The following TTC6 variants were observed in gnomAD, a reference collection of about 807,000 sequenced individuals.
TTC6 encodes the protein tetratricopeptide repeat domain 6.
A neutral mutation model predicts 210.4 loss-of-function variants in TTC6; 172 were observed. The observed-to-expected ratio is 0.82, with a 90% CI of 0.72 to 0.93. The LOEUF (loss-of-function observed/expected upper bound fraction) is 0.93, where lower values mean the gene tolerates loss of function less well. TTC6 is among the 40% of genes least tolerant of loss of function. TTC6 has a pLI of 0.00. For missense variants in TTC6, 2,414 were observed against 2,318.1 expected (o/e 1.04, Z -0.85); for synonymous variants, 804 against 819.6 (o/e 0.98, Z 0.32).
upstream of TTC6, among the ~76,000 whole-genome samples, chr14:37,618,781 T>C (rs1426411397): frequency 6.6e-6 from 1 of 152,324 alleles, no homozygotes; most frequent in South Asian, 2.1e-4. Context: ...GCAACTTTCC[T>C]GTTAAGAACT....
At chr14:37,728,380 G>T (rs1252867642) in intron 7 of TTC6, among the ~76,000 whole-genome samples, 3 of 150,046 alleles carry the variant, frequency 2.0e-5, no homozygotes, top group Non-Finnish European at 4.4e-5. Context: ...AGGAGTTGGA[G>T]ACCAACCTGG....
intron 2 of TTC6, among the ~76,000 whole-genome samples, chr14:37,615,264 C>T (rs894494034): frequency 2.0e-5 from 3 of 152,150 alleles, no homozygotes; most frequent in African/African-American, 7.2e-5. Context: ...GATTGAGATT[C>T]ACTGAGCTTC....
intron 1 of TTC6, among the ~76,000 whole-genome samples, chr14:37,653,929 C>A (rs970147814): frequency 3.9e-5 from 6 of 152,090 alleles, no homozygotes; most frequent in Non-Finnish European, 7.3e-5. Context: ...TTGTTTAATA[C>A]ATTTTGAGGT....
intron 14 of TTC6, among the ~76,000 whole-genome samples, chr14:37,773,756 A>G (rs1161306150): frequency 6.6e-6 from 1 of 152,084 alleles, no homozygotes; most frequent in African/African-American, 2.4e-5. Flanking sequence ...TTTTGGTTCC[A>G]TGTGAATTTT....
chr14:37,817,543 T>A (rs1466744816), intron 25 of TTC6, 35 bp from the exon 28 acceptor site: 1 of 1,601,834 alleles, frequency 6.2e-7, no homozygotes, highest in Admixed American at 1.7e-5. Context: ...AAAATAATGT[T>A]GCAAAATTAA....
rs76111292 is a variant in TTC6, at chr14:37,673,387, C to A, written c.940-6764C>A. Among the ~76,000 whole-genome samples the A allele has an allele frequency of 1.6e-3, 236 of 152,234 alleles. 5 individuals carry two copies. The East Asian group carries it at 0.043, about 28-fold the overall frequency. On this transcript the variant is annotated intron_variant, in intron 1 of 30. Coordinates refer to ENST00000553443, the Ensembl canonical transcript of TTC6. Reference sequence around the variant, plus strand: ...TGCCTTTTCTTTCCTTCTTTCTAAACCTTGAACTTTACAGTAAGTTATCTA... The same window carrying A: ...TGCCTTTTCTTTCCTTCTTTCTAAAACTTGAACTTTACAGTAAGTTATCTA...
rs756382437 is a variant in TTC6, at chr14:37,842,322, A to G, written c.*31A>G. ...TAGACTGTGGTTGCTATAGTAGTTT[A>G]CACAGCTGTTCTCTCTGAAACGGAA... is the stretch of plus-strand genomic sequence containing the variant. On this transcript the variant is annotated 3_prime_UTR_variant, in exon 31 of 31. Coordinates refer to ENST00000553443, the Ensembl canonical transcript of TTC6. 28 of 1,525,878 alleles carry G rather than the reference A, an allele frequency of 1.8e-5. 2 individuals carry two copies. In the South Asian group the frequency reaches 3.7e-4, roughly 20 times the overall value. 94.5% of individuals were successfully genotyped at this position (1,525,878 alleles called of 1,614,324 possible).
At chr14:37,724,513 G>C (rs1353720046) in intron 6 of TTC6, among the ~76,000 whole-genome samples, 1 of 152,048 alleles carries the variant, frequency 6.6e-6, no homozygotes, top group Non-Finnish European at 1.5e-5. Flanking sequence ...TGGACATTTA[G>C]ATTTGGTTTA....
At chr14:37,749,019 C>T (rs1479777460) in exon 11 of TTC6, 2 of 1,535,278 alleles carry the variant, frequency 1.3e-6, no homozygotes, top group Non-Finnish European at 1.7e-6. Context: ...ATACGGTGTC[C>T]CAGTTTACCT....
At chr14:37,827,402 C>G (rs55726229) in intron 29 of TTC6, 36 bp downstream of exon 31, 2 of 1,597,970 alleles carry the variant, frequency 1.3e-6, no homozygotes, top group African/African-American at 2.7e-5. Flanking sequence ...TCTTTTTGAC[C>G]TGGAATGCTT....
At chr14:37,667,116 A>G (rs1419276183) in intron 1 of TTC6, among the ~76,000 whole-genome samples, 2 of 150,336 alleles carry the variant, frequency 1.3e-5, no homozygotes, top group Non-Finnish European at 3.0e-5. Context: ...ATTTAAAAAT[A>G]AAACATTTTT....
chr14:37,769,012 G>A (rs1338849113), intron 14 of TTC6, among the ~76,000 whole-genome samples: 2 of 152,276 alleles, frequency 1.3e-5, no homozygotes, highest in Admixed American at 1.3e-4. Flanking sequence ...TTAGCAAGAA[G>A]GGCTGTTGAA....
chr14:37,716,029 T>C (rs959402609), intron 6 of TTC6, among the ~76,000 whole-genome samples: 2 of 151,758 alleles, frequency 1.3e-5, no homozygotes, highest in Non-Finnish European at 2.9e-5. Flanking sequence ...TAACAGAATA[T>C]AGAGGAAGTA....
chr14:37,719,960 A>T (rs1211967890), intron 6 of TTC6, among the ~76,000 whole-genome samples: 6 of 152,194 alleles, frequency 3.9e-5, no homozygotes, highest in Admixed American at 3.9e-4. Flanking sequence ...TCCGGCAAAG[A>T]ATTAATATCA....
chr14:37,671,134 T>A (rs2095757377), intron 1 of TTC6, among the ~76,000 whole-genome samples: 1 of 152,108 alleles, frequency 6.6e-6, no homozygotes, highest in South Asian at 2.1e-4. Context: ...GTTTGAAGAC[T>A]TGATTGAGAC....
chr14:37,649,281 G>GAGTAAGCAGTAA (rs1178780603), intron 1 of TTC6, among the ~76,000 whole-genome samples: 8 of 152,082 alleles, frequency 5.3e-5, no homozygotes, highest in Non-Finnish European at 1.0e-4. Context: ...TTCTTCTCTG[G>GAGTAAGCAGTAA]GATCTTACTG....
Position 37,709,692 on chromosome 14 carries a change from T to TA in TTC6, c.1572-4940dup, listed in dbSNP as rs10585657. ...TTTTCCCCTTCCCAATCATGTTTTG[T>TA]AAAAAAAAAAAAAAAAAAAAAAATT... On this transcript the variant is annotated intron_variant, in intron 5 of 30. Transcript: ENST00000553443. 2.4e-3 allele frequency among the ~76,000 whole-genome samples: 300 copies of TA among 126,426 alleles called. 1 individual carries two copies. Among genetic ancestry groups the TA allele is most frequent in the Middle Eastern group, 4.2e-3 (1 of 238 alleles). 82.9% of individuals were successfully genotyped at this position (126,426 alleles called of 152,430 possible). A position where few individuals can be genotyped will look rare whatever the true frequency, so the allele number is the denominator to read the frequency against.
chr14:37,729,088 A>G (rs1318479972), intron 7 of TTC6, among the ~76,000 whole-genome samples: 2 of 152,196 alleles, frequency 1.3e-5, no homozygotes, highest in African/African-American at 4.8e-5. Flanking sequence ...GAATATATAT[A>G]TCTTTGCACA....
intron 23 of TTC6, among the ~76,000 whole-genome samples, chr14:37,808,324 G>A (rs1442098850): frequency 6.6e-6 from 1 of 152,138 alleles, no homozygotes; most frequent in Non-Finnish European, 1.5e-5. Flanking sequence ...GAGAACGTGG[G>A]TAGAAAACAT....
Sources: allele counts gnomAD v4.1 joint callset (sites outside exome capture counted in the v4.1 genomes callset), GRCh38; gene constraint gnomAD v4.1.1; transcripts MANE v1.5; gene names NCBI Gene and HGNC (gene_info 2026-07-23, HGNC 2026-07-21).